Variants in SLC9A9 observed in about 807,000 individuals in gnomAD.
The protein encoded by SLC9A9 is solute carrier family 9 member A9.
SLC9A9 carries 62 observed loss-of-function variants against 77.8 expected under a neutral mutation model. That is an observed-to-expected ratio of 0.80 (90% CI 0.65 to 0.98). The LOEUF is 0.98. Ranked by LOEUF, SLC9A9 falls within the 50% of genes least tolerant of loss-of-function variation. The probability of loss-of-function intolerance (pLI) is 0.00; values close to 1 mark genes in which losing one functional copy is unlikely to be tolerated. For missense variants in SLC9A9, 775 were observed against 774.9 expected (o/e 1.00, Z 0.00); for synonymous variants, 320 against 283.5 (o/e 1.13, Z -1.29).
rs1422322504 is a variant in SLC9A9 at position 143,335,054 on chromosome 3, G to A, written c.1604+28430C>T. Among the ~76,000 whole-genome samples, 3 of 151,802 alleles carry A rather than the reference G, an allele frequency of 2.0e-5. No individual in the cohort carries two copies. The South Asian group carries it at 6.2e-4, about 31-fold the overall frequency. On this transcript the variant is annotated intron_variant, in intron 14 of 15. Transcript: ENST00000316549. ...AATCTTATATATAGAAAACCCTAAG[G>A]ATTCCACAAAAAATCTGTTAGAGCT...
At chr3:143,679,410 C>A (rs1223315204) in intron 5 of SLC9A9, among the ~76,000 whole-genome samples, 1 of 152,194 alleles carries the variant, frequency 6.6e-6, no homozygotes, top group Admixed American at 6.5e-5. Context: ...AGGGCCTAAA[C>A]CCCAACCTGA....
chr3:143,510,897 G>A (rs975799235), intron 9 of SLC9A9, among the ~76,000 whole-genome samples: 1 of 152,182 alleles, frequency 6.6e-6, no homozygotes, highest in African/African-American at 2.4e-5. Flanking sequence ...AAGCTCCAGG[G>A]TGGAGAAAAG....
chr3:143,701,722 T>C (rs925281113), intron 4 of SLC9A9, among the ~76,000 whole-genome samples: 1 of 151,856 alleles, frequency 6.6e-6, no homozygotes, highest in Non-Finnish European at 1.5e-5. Flanking sequence ...GAGGAAGTAG[T>C]GAAAGAGATA....
chr3:143,742,861 C>T (rs761524017), intron 4 of SLC9A9, among the ~76,000 whole-genome samples: 5 of 151,932 alleles, frequency 3.3e-5, no homozygotes, highest in Non-Finnish European at 5.9e-5. Flanking sequence ...AATGGAAACT[C>T]TTTGTACTAT....
chr3:143,410,439 A>G (rs747662689), intron 12 of SLC9A9, among the ~76,000 whole-genome samples: 16 of 152,186 alleles, frequency 1.1e-4, no homozygotes, highest in Non-Finnish European at 1.9e-4. Flanking sequence ...TATTAATAAT[A>G]TCACCTTCCA....
At chr3:143,294,272 A>G (rs1172406729) in intron 14 of SLC9A9, among the ~76,000 whole-genome samples, 1 of 152,238 alleles carries the variant, frequency 6.6e-6, no homozygotes, top group Non-Finnish European at 1.5e-5. Context: ...TGTTGTTTAC[A>G]GCACGAAAGC....
intron 12 of SLC9A9, among the ~76,000 whole-genome samples, chr3:143,393,358 C>T (rs1048550585): frequency 5.9e-5 from 9 of 152,008 alleles, no homozygotes; most frequent in Non-Finnish European, 8.8e-5. Context: ...CTACTGGGTA[C>T]GTAAGGAAAT....
At chr3:143,693,363 A>G (rs148852730) in intron 4 of SLC9A9, 56 bp from the exon 5 acceptor site, 16,280 of 1,353,686 alleles carry the variant, frequency 0.012, 148 homozygotes, top group Non-Finnish European at 0.015. Context: ...GTGTAAACCC[A>G]TGCTATCATA....
chr3:143,694,163 G>A (rs1180987265), intron 4 of SLC9A9, among the ~76,000 whole-genome samples: 1 of 152,024 alleles, frequency 6.6e-6, no homozygotes, highest in African/African-American at 2.4e-5. Flanking sequence ...AAACACTCAC[G>A]TGAACTTAAA....
At chr3:143,302,241 T>G (rs566372011) in intron 14 of SLC9A9, among the ~76,000 whole-genome samples, 1 of 152,344 alleles carries the variant, frequency 6.6e-6, no homozygotes, top group African/African-American at 2.4e-5. Context: ...CCATTTCCTC[T>G]GGATGATTGC....
chr3:143,601,475 G>A (rs1189745831), intron 6 of SLC9A9, among the ~76,000 whole-genome samples: 1 of 152,164 alleles, frequency 6.6e-6, no homozygotes, highest in East Asian at 1.9e-4. Context: ...TGAATGACTT[G>A]GCGAAATCCA....
intron 9 of SLC9A9, among the ~76,000 whole-genome samples, chr3:143,512,390 A>G (rs531148502): frequency 6.6e-6 from 1 of 152,372 alleles, no homozygotes; most frequent in East Asian, 1.9e-4. Flanking sequence ...CCACCAAAAC[A>G]TATATCAAAA....
At chr3:143,310,285 G>A (rs2030967012) in intron 14 of SLC9A9, among the ~76,000 whole-genome samples, 1 of 152,164 alleles carries the variant, frequency 6.6e-6, no homozygotes, top group African/African-American at 2.4e-5. Flanking sequence ...AAAGGACTAC[G>A]ATTTTCCAAC....
At position 143,785,950 on chromosome 3, in the gene SLC9A9, G is replaced by A. The variant is rs371486367; in HGVS notation, c.533+9051C>T. 5.5e-5 allele frequency among the ~76,000 whole-genome samples: 8 copies of A among 144,390 alleles called. No individual in the cohort carries two copies. The South Asian group carries it at 9.0e-4, about 16-fold the overall frequency. 94.7% of individuals were successfully genotyped at this position (144,390 alleles called of 152,430 possible). A position where few individuals can be genotyped will look rare whatever the true frequency, so the allele number is the denominator to read the frequency against. On this transcript the variant is annotated intron_variant, in intron 4 of 15. Transcript: ENST00000316549. ...CGACTCACTGCAAGCTCCGCCTCCC[G>A]GGTTCACGCCATTCTCCTGCCTCAG...
In SLC9A9 at chr3:143,373,692, A is replaced by C. The variant is rs188299637; in HGVS notation, c.1524+8368T>G. Among the ~76,000 whole-genome samples the C allele has an allele frequency of 1.5e-4, 23 of 152,068 alleles. No individual in the cohort carries two copies. The East Asian group carries it at 4.2e-3, about 28-fold the overall frequency. On this transcript the variant is annotated intron_variant, in intron 13 of 15. Transcript: ENST00000316549. Reference sequence around the variant, plus strand: ...TTTGGAATTAAAAATTTACTAGATCAGCTTAAAGGCAGATTGGATACTAAG... The same window carrying C: ...TTTGGAATTAAAAATTTACTAGATCCGCTTAAAGGCAGATTGGATACTAAG...
rs1238964037 is a variant in SLC9A9, at chr3:143,616,478, A to G, written c.755+35777T>C. On this transcript the variant is annotated intron_variant, in intron 6 of 15. Coordinates refer to ENST00000316549, the MANE Select transcript of SLC9A9 (RefSeq NM_173653.4). ...AGGCAAATAGTTCCATATGTCCTCAATAATCTTTGAGGTTATCACTGGATT... is the reference window on the plus strand; with the variant it reads ...AGGCAAATAGTTCCATATGTCCTCAGTAATCTTTGAGGTTATCACTGGATT... Among the ~76,000 whole-genome samples the G allele has an allele frequency of 5.9e-5, 9 of 152,314 alleles. No individual in the cohort carries two copies. The South Asian group carries it at 1.9e-3, about 32-fold the overall frequency.
chr3:143,589,461 C>T lies in SLC9A9; in HGVS notation c.756-10738G>A, dbSNP rs531219830. On this transcript the variant is annotated intron_variant, in intron 6 of 15. Transcript: ENST00000316549. ...GTATTTTTTTAATGTCTCTTCTCTA[C>T]GTTTAGATACAGAAATACTTACCAT... is the stretch of plus-strand genomic sequence containing the variant. Among the ~76,000 whole-genome samples the T allele has an allele frequency of 1.6e-4, 24 of 152,100 alleles. No individual in the cohort carries two copies. The South Asian group carries it at 4.4e-3, about 28-fold the overall frequency.
intron 6 of SLC9A9, among the ~76,000 whole-genome samples, chr3:143,621,839 C>T (rs1160035020): frequency 6.6e-6 from 1 of 151,950 alleles, no homozygotes; most frequent in Admixed American, 6.5e-5. Context: ...AAAGTTCGAA[C>T]CCATGGCAAA....
chr3:143,268,915 C>T lies in SLC9A9; in HGVS notation c.1670G>A (p.Gly557Asp), dbSNP rs1374895986. The change falls in exon 15 of 16, where the codon GGT becomes GAT. Residue 557 changes from glycine to aspartate, a missense_variant. Physicochemically the swap from Gly to Asp is moderately conservative, Grantham distance 94 (BLOSUM62 -1). Coordinates refer to ENST00000316549, the MANE Select transcript of SLC9A9 (RefSeq NM_173653.4). ...ACTGGTAAGCAGCCTGGAAATCGGA[C>T]CACACCATTCAGGTAATGTTGTAGT... is the stretch of plus-strand genomic sequence containing the variant. ...PLTTTLPEWC[G>D]PISRLLTSPQ... is the part of the protein sequence containing the mutation. The T allele has an allele frequency of 8.1e-6, 13 of 1,613,482 alleles. No homozygotes were observed. Among genetic ancestry groups the T allele is most frequent in the Non-Finnish European group, 1.0e-5 (12 of 1,179,786 alleles).
Sources: allele counts gnomAD v4.1 joint callset (sites outside exome capture counted in the v4.1 genomes callset), GRCh38; gene constraint gnomAD v4.1.1; transcripts MANE v1.5; gene names NCBI Gene and HGNC (gene_info 2026-07-23, HGNC 2026-07-21).